Variants in COL27A1 observed in about 807,000 individuals in gnomAD.
The protein encoded by COL27A1 is collagen type XXVII alpha 1 chain, also known as collagen alpha-1(XXVII) chain.
Under a neutral mutation model 251.3 loss-of-function variants are expected in COL27A1, and 106 were observed. The observed-to-expected ratio is 0.42, with a 90% CI of 0.36 to 0.50. The LOEUF is 0.50. COL27A1 is among the 20% of genes least tolerant of loss of function. The pLI, the probability that COL27A1 is intolerant of heterozygous loss-of-function variation, is 0.00. For synonymous variants in COL27A1, 1,000 were observed against 986.3 expected (o/e 1.01, Z -0.26); for missense variants, 2,325 against 2,522.8 (o/e 0.92, Z 1.68).
intron 32 of COL27A1, 81 bp from the exon 33 acceptor site, chr9:114,266,484 C>A: frequency 8.2e-7 from 1 of 1,215,166 alleles, no homozygotes; most frequent in South Asian, 1.3e-5. Context: ...TGGGGGTCAG[C>A]TCCCTCATTC....
intron 5 of COL27A1, among the ~76,000 whole-genome samples, chr9:114,191,680 G>A (rs1175729980): frequency 6.6e-6 from 1 of 152,158 alleles, no homozygotes; most frequent in African/African-American, 2.4e-5. Context: ...TGCGCATTTA[G>A]GTTGATTCCA....
At position 114,169,104 on chromosome 9, in the gene COL27A1, C is replaced by A. The variant is rs779890127; in HGVS notation, c.1549C>A (p.Pro517Thr). Reference sequence around the variant, plus strand: ...ACCTCCAACTTCGGGCACCAGCACTCCCAGAACAGCACCTGCCGTCCCCAC... The same window carrying A: ...ACCTCCAACTTCGGGCACCAGCACTACCAGAACAGCACCTGCCGTCCCCAC... Reference protein sequence around the residue: ...MVPPTSGTSTPRTAPAVPTPG... With the variant: ...MVPPTSGTSTTRTAPAVPTPG... Residue 517 changes from proline to threonine, a missense_variant, in exon 3 of 61, where the codon CCC becomes ACC. Physicochemically the swap from Pro to Thr is conservative, Grantham distance 38. Around this residue, in one of 4 missense-constraint regions of COL27A1, gnomAD observed 1,183 missense variants for 1,144.1 expected, o/e 1.03. Coordinates refer to ENST00000356083, the MANE Select transcript of COL27A1 (RefSeq NM_032888.4). The A allele has an allele frequency of 6.2e-7, 1 of 1,614,104 alleles. No homozygotes were observed. The highest frequency in any genetic ancestry group is 8.5e-7 in the Non-Finnish European group (1 of 1,180,010).
Position 114,309,275 on chromosome 9 carries a change from AG to A in COL27A1, c.5234del (p.Ser1745ThrfsTer5). On this transcript the variant is annotated frameshift_variant, in exon 60 of 61. Transcript: ENST00000356083. LOFTEE classifies it high-confidence loss of function. ...TTCTCTATAGGTCGAGTTTGCCATC[AG>A]CCGGGTCCAGATGAATTTCCTGCAC... ...ITASKVEFAI[S>X]RVQMNFLHLL... The A allele has an allele frequency of 1.9e-6, 3 of 1,614,160 alleles. No homozygotes were observed. Among genetic ancestry groups the A allele is most frequent in the Non-Finnish European group, 2.5e-6 (3 of 1,180,022 alleles).
rs1033871829 is a variant in COL27A1, at chr9:114,163,741, G to A, written c.133+956G>A. Reference sequence around the variant, plus strand: ...CCCCTGGGAGGGCAGGGCTGTGCCCGGAAGAGACTTCTGCTGCCCAGCAAC... The same window carrying A: ...CCCCTGGGAGGGCAGGGCTGTGCCCAGAAGAGACTTCTGCTGCCCAGCAAC... On this transcript the variant is annotated intron_variant, in intron 2 of 60. Coordinates refer to ENST00000356083, the MANE Select transcript of COL27A1 (RefSeq NM_032888.4). Among the ~76,000 whole-genome samples, 8 of 152,186 alleles carry A rather than the reference G, an allele frequency of 5.3e-5. No individual in the cohort carries two copies. The East Asian group carries it at 9.7e-4, about 18-fold the overall frequency.
chr9:114,284,395 G>A (rs1287605797), intron 40 of COL27A1, among the ~76,000 whole-genome samples: 8 of 152,222 alleles, frequency 5.3e-5, no homozygotes, highest in Non-Finnish European at 7.3e-5. Flanking sequence ...CAAAGCCTGG[G>A]AAGGTCTGTT....
intron 13 of COL27A1, 62 bp from the exon 14 acceptor site, chr9:114,222,161 G>A: frequency 2.0e-6 from 3 of 1,465,064 alleles, no homozygotes; most frequent in Non-Finnish European, 2.9e-6. Flanking sequence ...AGGATGACAT[G>A]GAGGGAGGGG....
chr9:114,277,047 G>A (rs906481192), intron 37 of COL27A1, among the ~76,000 whole-genome samples: 3 of 152,184 alleles, frequency 2.0e-5, no homozygotes, highest in African/African-American at 7.2e-5. Context: ...CCTGTGCTCT[G>A]GCAGAGTTGG....
At chr9:114,225,211 T>G (rs1432494187) in intron 14 of COL27A1, among the ~76,000 whole-genome samples, 3 of 152,194 alleles carry the variant, frequency 2.0e-5, no homozygotes, top group African/African-American at 7.2e-5. Context: ...GTCACATACC[T>G]GGCAGGTGAG....
At chr9:114,209,808 G>GCA in intron 11 of COL27A1, 80 bp downstream of exon 11, 2 of 1,376,610 alleles carry the variant, frequency 1.5e-6, no homozygotes, top group Non-Finnish European at 2.1e-6. Context: ...CACCAGCCTG[G>GCA]GGAAGTCAAG....
intron 41 of COL27A1, among the ~76,000 whole-genome samples, chr9:114,286,988 C>A (rs1242247186): frequency 6.6e-6 from 1 of 152,168 alleles, no homozygotes; most frequent in East Asian, 1.9e-4. Flanking sequence ...CACAGGCAGG[C>A]CCCTTCCCCA....
At chr9:114,200,590 T>C (rs1479617915) in intron 7 of COL27A1, among the ~76,000 whole-genome samples, 1 of 152,202 alleles carries the variant, frequency 6.6e-6, no homozygotes, top group Middle Eastern at 3.2e-3. Context: ...GAGTTGGGTG[T>C]CAGACACCTG....
In COL27A1 at chr9:114,156,004, G is replaced by GGCA. The variant is rs751066074; in HGVS notation, c.54_55insGCA (p.Ala18dup). 11 of 1,297,048 alleles carry GGCA rather than the reference G, an allele frequency of 8.5e-6. No individual in the cohort carries two copies. In the East Asian group the frequency reaches 3.1e-4, roughly 36 times the overall value. The allele number at this position is 1,297,048 out of a possible 1,614,324, so 80.3% of individuals were successfully genotyped here. ...GAGGCACAGCGGCGGCGGCGGCGGC[G>GGCA]CGCGGGGGGTGAGTACGAACTCGGG... On this transcript the variant is annotated inframe_insertion, in exon 1 of 61. Coordinates refer to ENST00000356083, the MANE Select transcript of COL27A1 (RefSeq NM_032888.4).
At chr9:114,184,202 C>G (rs144206475) in intron 5 of COL27A1, among the ~76,000 whole-genome samples, 1 of 152,236 alleles carries the variant, frequency 6.6e-6, no homozygotes, top group Non-Finnish European at 1.5e-5. Flanking sequence ...AGAGCACCCC[C>G]GTGCTTTGGT....
intron 49 of COL27A1, among the ~76,000 whole-genome samples, chr9:114,297,611 T>C (rs1828341585): frequency 6.6e-6 from 1 of 152,114 alleles, no homozygotes; most frequent in African/African-American, 2.4e-5. Context: ...GAAAAAGCAT[T>C]TGACGAAATC....
Position 114,240,507 on chromosome 9 carries a change from T to TC in COL27A1, c.2835+22dup. 1 of 1,603,350 alleles carries TC rather than the reference T, an allele frequency of 6.2e-7. No individual in the cohort carries two copies. On this transcript the variant is annotated intron_variant, in intron 21 of 60. Transcript: ENST00000356083. ...CCCGAGGTGAGACTGTCTGGCCCCC[T>TC]CCACTGCCCATCCTGGCCTGATTGC...
intron 33 of COL27A1, among the ~76,000 whole-genome samples, chr9:114,267,035 G>A (rs1745747017): frequency 2.0e-5 from 3 of 152,150 alleles, no homozygotes; most frequent in Admixed American, 2.0e-4. Flanking sequence ...TTATCCAGAG[G>A]GAAAAACCAA....
intron 7 of COL27A1, among the ~76,000 whole-genome samples, chr9:114,200,010 G>T (rs564526409): frequency 1.3e-5 from 2 of 151,586 alleles, no homozygotes; most frequent in East Asian, 3.9e-4. Context: ...CCCCCACCCT[G>T]CCCCCTAGCA....
chr9:114,211,192 C>T (rs981118441), intron 12 of COL27A1, among the ~76,000 whole-genome samples, 166 bp downstream of exon 12: 3 of 152,334 alleles, frequency 2.0e-5, no homozygotes, highest in South Asian at 2.1e-4. Flanking sequence ...TGCTGGCACA[C>T]GGCGTGACTG....
chr9:114,156,189 A>G (rs1178653359), intron 1 of COL27A1, among the ~76,000 whole-genome samples, 177 bp downstream of exon 1: 1 of 143,310 alleles, frequency 7.0e-6, no homozygotes, highest in Admixed American at 7.1e-5. Context: ...CGGCCGGGCG[A>G]GAGTTGGCGA....
Sources: allele counts gnomAD v4.1 joint callset (sites outside exome capture counted in the v4.1 genomes callset), GRCh38; gene constraint gnomAD v4.1.1; regional missense constraint gnomAD v4.1.1; transcripts MANE v1.5; gene names NCBI Gene and HGNC (gene_info 2026-07-23, HGNC 2026-07-21).